Variants in ZCCHC7 observed in about 807,000 individuals in gnomAD.
The protein encoded by ZCCHC7 is zinc finger CCHC-type containing 7, also known as zinc finger CCHC domain-containing protein 7.
A neutral mutation model predicts 52.0 loss-of-function variants in ZCCHC7; 35 were observed. That is an observed-to-expected ratio of 0.67 (90% CI 0.51 to 0.89). ZCCHC7 has a LOEUF of 0.89. Ranked by LOEUF, ZCCHC7 falls within the 40% of genes least tolerant of loss-of-function variation. ZCCHC7 has a pLI of 0.00. For missense variants in ZCCHC7, 574 were observed against 649.1 expected (o/e 0.88, Z 1.26); for synonymous variants, 217 against 221.5 (o/e 0.98, Z 0.18).
intron 2 of ZCCHC7, among the ~76,000 whole-genome samples, chr9:37,281,232 TCTCAAACTCCTGGG>T (rs1827944210): frequency 6.6e-6 from 1 of 152,160 alleles, no homozygotes; most frequent in Non-Finnish European, 1.5e-5. Context: ...CCCAGGCTGG[TCTCAAACTCCTGGG>T]CTCAAGTGAT....
At chr9:37,219,254 A>G (rs942675781) in intron 2 of ZCCHC7, among the ~76,000 whole-genome samples, 1 of 152,196 alleles carries the variant, frequency 6.6e-6, no homozygotes, top group Non-Finnish European at 1.5e-5. Context: ...GTTTCTTTGG[A>G]CAAAGCCACG....
chr9:37,274,408 T>G (rs1258759803), intron 2 of ZCCHC7, among the ~76,000 whole-genome samples: 1 of 146,138 alleles, frequency 6.8e-6, no homozygotes, highest in Non-Finnish European at 1.5e-5. Context: ...GGTGTGATCT[T>G]GGCCCACTGC....
rs1228423164 is a variant in ZCCHC7, at chr9:37,172,994, C to T, written c.610+46052C>T. Among the ~76,000 whole-genome samples the T allele has an allele frequency of 1.7e-4, 24 of 144,970 alleles. No homozygotes were observed. The East Asian group carries it at 1.7e-3, about 10-fold the overall frequency. On this transcript the variant is annotated intron_variant, in intron 2 of 8. Transcript: ENST00000336755. The stretch of plus-strand genomic sequence containing the variant: ...TTCCAATTGTGACTTGAGTGAGCAA[C>T]GTGGGCATTCCAGTAGGGACTTGAG...
intron 1 of ZCCHC7, among the ~76,000 whole-genome samples, chr9:37,123,134 T>TAA (rs1842391404): frequency 6.6e-6 from 1 of 151,666 alleles, no homozygotes; most frequent in African/African-American, 2.4e-5. Flanking sequence ...ACCTAGTTAG[T>TAA]ATACTTGGGA....
At chr9:37,157,869 G>A (rs1820898127) in intron 2 of ZCCHC7, among the ~76,000 whole-genome samples, 1 of 152,204 alleles carries the variant, frequency 6.6e-6, no homozygotes, top group African/African-American at 2.4e-5. Flanking sequence ...AGCTGTTACA[G>A]GAAACAGTAT....
At position 37,310,958 on chromosome 9, in the gene ZCCHC7, T is replaced by TAA. The variant is rs1418567692; in HGVS notation, c.951+5244_951+5245insAA. Reference sequence around the variant, plus strand: ...GGTGACAGTGTAAGACTCTCTCTTTTTAAAAAAAAAAAAAAAAAAAAATCA... The same window carrying TAA: ...GGTGACAGTGTAAGACTCTCTCTTTTAATAAAAAAAAAAAAAAAAAAAAATCA... On this transcript the variant is annotated intron_variant, in intron 5 of 8. Transcript: ENST00000336755. Among the ~76,000 whole-genome samples the TAA allele has an allele frequency of 1.2e-4, 16 of 132,820 alleles. No individual in the cohort carries two copies. The South Asian group carries it at 1.7e-3, about 14-fold the overall frequency. 87.1% of individuals were successfully genotyped at this position (132,820 alleles called of 152,430 possible).
At chr9:37,152,118 T>C (rs556404020) in intron 2 of ZCCHC7, among the ~76,000 whole-genome samples, 1 of 152,338 alleles carries the variant, frequency 6.6e-6, no homozygotes, top group Non-Finnish European at 1.5e-5. Context: ...TTTCTCTCCC[T>C]GGAGTGCTCT....
At chr9:37,257,108 C>A (rs993533227) in intron 2 of ZCCHC7, among the ~76,000 whole-genome samples, 1 of 152,060 alleles carries the variant, frequency 6.6e-6, no homozygotes, top group African/African-American at 2.4e-5. Context: ...TTAGAGAATA[C>A]AAGACTGAGG....
chr9:37,236,772 G>C (rs889261894), intron 2 of ZCCHC7, among the ~76,000 whole-genome samples: 6 of 152,164 alleles, frequency 3.9e-5, no homozygotes, highest in Non-Finnish European at 8.8e-5. Context: ...CACAGTGCAG[G>C]CTGCTCAATT....
At chr9:37,316,484 C>G (rs1402742722) in intron 5 of ZCCHC7, among the ~76,000 whole-genome samples, 2 of 148,836 alleles carry the variant, frequency 1.3e-5, no homozygotes, top group African/African-American at 5.0e-5. Flanking sequence ...ACTACCCTGC[C>G]CAGCTGCTTT....
At chr9:37,278,325 A>G (rs560077788) in intron 2 of ZCCHC7, among the ~76,000 whole-genome samples, 1 of 152,342 alleles carries the variant, frequency 6.6e-6, no homozygotes, top group African/African-American at 2.4e-5. Context: ...ATAAAACTAT[A>G]AAAGAGAACT....
At chr9:37,120,481 G>T, upstream of ZCCHC7, 1 of 398,814 alleles carries the variant, frequency 2.5e-6, no homozygotes, top group South Asian at 1.3e-4. Context: ...GAAAGGCGGT[G>T]ACTAGAGCTG....
chr9:37,151,540 C>T (rs1423012543), intron 2 of ZCCHC7, among the ~76,000 whole-genome samples: 1 of 152,080 alleles, frequency 6.6e-6, no homozygotes, highest in Non-Finnish European at 1.5e-5. Flanking sequence ...TGTGGTGGCT[C>T]ACGCCTGTAA....
chr9:37,254,838 T>TTTTTTTTC (rs1354963109), intron 2 of ZCCHC7, among the ~76,000 whole-genome samples: 1 of 6,918 alleles, frequency 1.4e-4, no homozygotes, highest in African/African-American at 4.2e-4. Flanking sequence ...AAAAAGTTTC[T>TTTTTTTTC]TTTTTTTTTT....
intron 2 of ZCCHC7, among the ~76,000 whole-genome samples, chr9:37,273,497 CGTCTCGAAAAGAAA>C (rs1827531418): frequency 6.6e-6 from 1 of 152,014 alleles, no homozygotes; most frequent in Non-Finnish European, 1.5e-5. Flanking sequence ...AGCGAGACTC[CGTCTCGAAAAGAAA>C]AGAAAAAGAA....
intron 8 of ZCCHC7, among the ~76,000 whole-genome samples, chr9:37,356,484 G>T (rs1821709851): frequency 6.6e-6 from 1 of 152,172 alleles, no homozygotes; most frequent in Non-Finnish European, 1.5e-5. Flanking sequence ...ATCTTGCTTT[G>T]CCTCATTTTC....
At chr9:37,259,994 A>G (rs1485257393) in intron 2 of ZCCHC7, among the ~76,000 whole-genome samples, 1 of 152,164 alleles carries the variant, frequency 6.6e-6, no homozygotes, top group Non-Finnish European at 1.5e-5. Context: ...AGCTATTGCT[A>G]TTTGGTTTGC....
chr9:37,231,700 G>A (rs1034885523), intron 2 of ZCCHC7, among the ~76,000 whole-genome samples: 1 of 151,980 alleles, frequency 6.6e-6, no homozygotes, highest in Non-Finnish European at 1.5e-5. Context: ...TATCACAATG[G>A]TCAAGTATTT....
In ZCCHC7 at chr9:37,305,516, G is replaced by A. The variant is rs1333800316; in HGVS notation, c.781-28G>A. On this transcript the variant is annotated intron_variant, in intron 4 of 8. Coordinates refer to ENST00000336755, the MANE Select transcript of ZCCHC7 (RefSeq NM_032226.3). ...TAATCTTCTACCTTTTGAGACTGAA[G>A]AGATTTTATGTTTTTTTCGCCACAT... 3.1e-6 allele frequency: 5 copies of A among 1,611,084 alleles called. No individual in the cohort carries two copies. The Admixed American group carries it at 6.7e-5, about 21-fold the overall frequency.
Sources: gnomAD v4.1 joint callset for allele counts (sites outside exome capture counted in the v4.1 genomes callset) on GRCh38, gnomAD v4.1.1 for gene constraint, MANE v1.5 for transcripts, NCBI Gene and HGNC (gene_info 2026-07-23, HGNC 2026-07-21) for gene names.